The following ANKS1A variants were observed in gnomAD, a reference collection of about 807,000 sequenced individuals.
The protein encoded by ANKS1A is ankyrin repeat and sterile alpha motif domain containing 1A.
A neutral mutation model predicts 120.3 loss-of-function variants in ANKS1A; 55 were observed. The ratio of observed to expected loss-of-function variants is 0.46; its 90% CI spans 0.37 to 0.57. The LOEUF (loss-of-function observed/expected upper bound fraction) is 0.57. Among genes scored for constraint, ANKS1A ranks in the 20% least tolerant of loss-of-function variants. The pLI, the probability that ANKS1A is intolerant of heterozygous loss-of-function variation, is 0.00. For synonymous variants in ANKS1A, 590 were observed against 604.7 expected (o/e 0.98, Z 0.36); for missense variants, 1,123 against 1,480.3 (o/e 0.76, Z 3.96).
chr6:34,922,694 C>CTTTTTTTTT (rs61568974), intron 1 of ANKS1A, among the ~76,000 whole-genome samples: 1 of 127,854 alleles, frequency 7.8e-6, no homozygotes, highest in African/African-American at 3.0e-5. Context: ...CTGGGCATTT[C>CTTTTTTTTT]TTTTTTTTTT....
chr6:35,024,723 C>T (rs898340969), intron 11 of ANKS1A, among the ~76,000 whole-genome samples: 5 of 152,184 alleles, frequency 3.3e-5, no homozygotes, highest in Non-Finnish European at 5.9e-5. Context: ...GGCCTCGCCA[C>T]CTCGCCCTTT....
At chr6:34,939,114 T>A (rs9348954) in intron 1 of ANKS1A, among the ~76,000 whole-genome samples, 15,408 of 152,290 alleles carry the variant, frequency 0.1, 962 homozygotes, top group East Asian at 0.34. Flanking sequence ...TTTAGATTAC[T>A]TAAGGCTTAG....
chr6:35,056,478 C>T (rs1214061913), intron 12 of ANKS1A, among the ~76,000 whole-genome samples: 3 of 152,098 alleles, frequency 2.0e-5, no homozygotes, highest in South Asian at 2.1e-4. Flanking sequence ...TTAGTAGAGA[C>T]AGGGTTTCAC....
chr6:34,936,720 T>C (rs951969389), intron 1 of ANKS1A, among the ~76,000 whole-genome samples: 1 of 152,230 alleles, frequency 6.6e-6, no homozygotes, highest in Non-Finnish European at 1.5e-5. Flanking sequence ...TTCCTCACTT[T>C]TCATTCACTC....
chr6:34,896,841 G>A (rs908031147), intron 1 of ANKS1A, among the ~76,000 whole-genome samples: 8 of 152,232 alleles, frequency 5.3e-5, no homozygotes, highest in Non-Finnish European at 8.8e-5. Context: ...GCCTGCATCT[G>A]TAATCCCAGC....
the ANKS1A span, among the ~76,000 whole-genome samples, chr6:35,097,185 G>A: frequency 3.9e-5 from 6 of 152,134 alleles, no homozygotes; most frequent in Non-Finnish European, 8.8e-5. Context: ...TTAATTGAAG[G>A]ATTAATAGTC....
rs961986277 is a variant in ANKS1A at position 35,057,815 on chromosome 6, G to T, written c.2078-2332G>T. On this transcript the variant is annotated intron_variant, in intron 12 of 23. Transcript: ENST00000360359. The surrounding 1 kb of genome is among the most constrained non-coding windows in gnomAD (Gnocchi z 4.1). ...TATAAGAAGCACAGTCATTCGTAAA[G>T]TGGCAAGTAGGGGGGTCACTTACCT... is the stretch of plus-strand genomic sequence containing the variant. Among the ~76,000 whole-genome samples the T allele has an allele frequency of 1.3e-5, 2 of 152,226 alleles. No individual in the cohort carries two copies. The highest frequency in any genetic ancestry group is 2.9e-5 in the Non-Finnish European group (2 of 68,038).
intron 9 of ANKS1A, among the ~76,000 whole-genome samples, chr6:34,991,541 TACACACACACACACACACACACAC>T (rs149416311): frequency 1.4e-5 from 2 of 138,496 alleles, no homozygotes; most frequent in East Asian, 2.2e-4. Context: ...AAAAAATATA[TACACACACACACACACACACACAC>T]ACACACACAC....
chr6:34,909,175 G>A (rs2127455439), intron 1 of ANKS1A, among the ~76,000 whole-genome samples: 1 of 152,242 alleles, frequency 6.6e-6, no homozygotes, highest in South Asian at 2.1e-4. Context: ...GTACACCCAT[G>A]TTCATGCAGA....
At chr6:34,943,860 T>C (rs1332307436) in intron 1 of ANKS1A, among the ~76,000 whole-genome samples, 1 of 152,248 alleles carries the variant, frequency 6.6e-6, no homozygotes, top group East Asian at 1.9e-4. Flanking sequence ...CTATAAACAT[T>C]TGTGTGCAAG....
At chr6:34,926,518 G>T (rs1768725802) in intron 1 of ANKS1A, among the ~76,000 whole-genome samples, 1 of 152,142 alleles carries the variant, frequency 6.6e-6, no homozygotes. Flanking sequence ...CTTAAAACAA[G>T]AATTTCTCAT....
chr6:34,976,775 TGC>T (rs1367738365), intron 3 of ANKS1A, among the ~76,000 whole-genome samples: 1,213 of 80,628 alleles, frequency 0.015, 13 homozygotes, highest in African/African-American at 0.038. Context: ...TCTGTGTGTG[TGC>T]GTGTGTGTGT....
intron 13 of ANKS1A, among the ~76,000 whole-genome samples, chr6:35,075,421 T>G (rs1321850657): frequency 6.7e-6 from 1 of 149,930 alleles, no homozygotes; most frequent in Non-Finnish European, 1.5e-5. Flanking sequence ...TTTTCTTTTT[T>G]TTTTTTTTTT....
intron 10 of ANKS1A, among the ~76,000 whole-genome samples, chr6:35,001,178 C>G (rs1773147682): frequency 6.6e-6 from 1 of 152,000 alleles, no homozygotes; most frequent in South Asian, 2.1e-4. Context: ...ATATAAGAAG[C>G]ATTATTAAAT....
chr6:35,091,308 G>A lies in ANKS1A; in HGVS notation c.*2699G>A, dbSNP rs1305937502. The A allele has an allele frequency of 1.0e-6, 1 of 985,830 alleles. No individual in the cohort carries two copies. Among genetic ancestry groups the A allele is most frequent in the South Asian group, 4.7e-5 (1 of 21,292 alleles). 61.1% of individuals were successfully genotyped at this position (985,830 alleles called of 1,614,324 possible). A position where few individuals can be genotyped will look rare whatever the true frequency, so the allele number is the denominator to read the frequency against. On this transcript the variant is annotated 3_prime_UTR_variant, in exon 24 of 24. Transcript: ENST00000360359. The stretch of plus-strand genomic sequence containing the variant: ...GACTGACCTCAGTACCCAAGAGAGT[G>A]TAAATATTTCTGGGCTTCCAGCTTT...
chr6:34,929,096 C>T (rs564147448), intron 1 of ANKS1A, among the ~76,000 whole-genome samples: 2 of 152,268 alleles, frequency 1.3e-5, no homozygotes, highest in East Asian at 1.9e-4. Context: ...AGTTATTTAA[C>T]CTTTTCTATA....
intron 11 of ANKS1A, among the ~76,000 whole-genome samples, chr6:35,029,598 C>T (rs902017109): frequency 6.6e-6 from 1 of 151,724 alleles, no homozygotes. Flanking sequence ...GATCCACCCA[C>T]CTGGGCCTCC....
At position 35,015,584 on chromosome 6, in the gene ANKS1A, G is replaced by A. The variant is rs559883986; in HGVS notation, c.1424-1889G>A. 1.7e-4 allele frequency among the ~76,000 whole-genome samples: 26 copies of A among 152,324 alleles called. 1 individual carries two copies. In the South Asian group the frequency reaches 5.4e-3, roughly 32 times the overall value. On this transcript the variant is annotated intron_variant, in intron 10 of 23. Coordinates refer to ENST00000360359, the MANE Select transcript of ANKS1A (RefSeq NM_015245.3). ...GTGGATAAGTAATCAGAGCCATAAAGTGGAGCTAATTGGCTGCCCCTGGCC... is the reference window on the plus strand; with the variant it reads ...GTGGATAAGTAATCAGAGCCATAAAATGGAGCTAATTGGCTGCCCCTGGCC...
chr6:34,994,581 A>C (rs1459574856), intron 10 of ANKS1A, among the ~76,000 whole-genome samples, 159 bp downstream of exon 10: 1 of 152,110 alleles, frequency 6.6e-6, no homozygotes, highest in Non-Finnish European at 1.5e-5. Flanking sequence ...ATGGCTTTTC[A>C]TTTCCAATAC....
Sources: gnomAD v4.1 joint callset for allele counts (sites outside exome capture counted in the v4.1 genomes callset) on GRCh38, gnomAD v4.1.1 for gene constraint, Gnocchi (gnomAD v3.1) non-coding constraint, MANE v1.5 for transcripts, NCBI Gene and HGNC (gene_info 2026-07-23, HGNC 2026-07-21) for gene names.